ZC3H6: variants seen among roughly 807,000 people sequenced by gnomAD.
ZC3H6 encodes the protein zinc finger CCCH domain-containing protein 6.
Under a neutral mutation model 107.7 loss-of-function variants are expected in ZC3H6, and 40 were observed. The observed-to-expected ratio is 0.37, with a 90% CI of 0.29 to 0.48. ZC3H6 has a LOEUF of 0.48. Among genes scored for constraint, ZC3H6 ranks in the 20% least tolerant of loss-of-function variants. ZC3H6 has a pLI of 0.98. For missense variants in ZC3H6, 1,267 were observed against 1,410.4 expected (o/e 0.90, Z 1.63); for synonymous variants, 493 against 487.9 (o/e 1.01, Z -0.14).
chr2:112,330,948 TTATTA>T lies in ZC3H6; in HGVS notation c.2087-49_2087-45del, dbSNP rs752669270. On this transcript the variant is annotated intron_variant, in intron 11 of 11. Transcript: ENST00000409871. ...AATTTATAATTATAATATAATAATT[TTATTA>T]TATTATAAGTTTATAATATAAAGTT... is the stretch of plus-strand genomic sequence containing the variant. 7.6e-3 allele frequency: 4,071 copies of T among 533,136 alleles called. 97 individuals are homozygous for T. The highest frequency in any genetic ancestry group is 0.067 in the African/African-American group (3,355 of 50,088). 33.0% of individuals were successfully genotyped at this position (533,136 alleles called of 1,614,324 possible). A position where few individuals can be genotyped will look rare whatever the true frequency, so the allele number is the denominator to read the frequency against.
chr2:112,291,334 A>G (rs1676110258), intron 1 of ZC3H6, among the ~76,000 whole-genome samples: 1 of 152,216 alleles, frequency 6.6e-6, no homozygotes, highest in South Asian at 2.1e-4. Context: ...CCTGGGCTCA[A>G]GCAATTCTCC....
chr2:112,330,730 CA>C (rs1677011352), intron 11 of ZC3H6, among the ~76,000 whole-genome samples: 1 of 152,176 alleles, frequency 6.6e-6, no homozygotes, highest in Non-Finnish European at 1.5e-5. Context: ...ATTCTAGTAT[CA>C]CCCCACTTCC....
chr2:112,322,615 C>A (rs1210416628), intron 8 of ZC3H6, 34 bp from the exon 9 acceptor site: 4 of 1,562,102 alleles, frequency 2.6e-6, no homozygotes, highest in South Asian at 2.4e-5. Flanking sequence ...AAAAGACTCG[C>A]TTTGAAATAG....
In ZC3H6 at chr2:112,332,150, G is replaced by C. The variant is rs776625143; in HGVS notation, c.3232G>C (p.Gly1078Arg). The change falls in exon 12 of 12, where the codon GGT becomes CGT. Residue 1078 changes from glycine (G) to arginine (R), a missense_variant. Physicochemically the swap from Gly to Arg is moderately radical, Grantham distance 125. Coordinates refer to ENST00000409871, the MANE Select transcript of ZC3H6 (RefSeq NM_198581.3). ...AAACTCAAAGAACCAGAAAAAAAGT[G>C]GTGGCTTAAAAAGTAGTGACAAAAC... The part of the protein sequence containing the change: ...GENSKNQKKS[G>R]GLKSSDKTEP... 2.5e-6 allele frequency: 4 copies of C among 1,613,858 alleles called. No individual in the cohort carries two copies. The highest frequency in any genetic ancestry group is 2.5e-6 in the Non-Finnish European group (3 of 1,179,824).
intron 1 of ZC3H6, among the ~76,000 whole-genome samples, chr2:112,296,448 A>G (rs1230364017): frequency 6.6e-6 from 1 of 152,104 alleles, no homozygotes; most frequent in African/African-American, 2.4e-5. Context: ...GAGATTTGTT[A>G]TTTATAATTT....
intron 1 of ZC3H6, among the ~76,000 whole-genome samples, chr2:112,277,051 C>T (rs1444066807): frequency 6.6e-6 from 1 of 152,110 alleles, no homozygotes; most frequent in Non-Finnish European, 1.5e-5. Flanking sequence ...ATCCTAAACA[C>T]GTTTTTTAAA....
rs1415466348 is a variant in ZC3H6, at chr2:112,331,502, A to G, written c.2584A>G (p.Ile862Val). Residue 862 changes from isoleucine (I) to valine (V), a missense_variant, in exon 12 of 12, where the codon ATT becomes GTT. Physicochemically the swap from Ile to Val is conservative, Grantham distance 29. Transcript: ENST00000409871. ...GTCACAATTGAGACAGTTCAGTCAC[A>G]TTAAAATGGACATTACTCTAACCAA... ...PRSQLRQFSHIKMDITLTKPN... is the reference protein window; with the variant it reads ...PRSQLRQFSHVKMDITLTKPN... 3.7e-6 allele frequency: 6 copies of G among 1,614,034 alleles called. No individual in the cohort carries two copies. The highest frequency in any genetic ancestry group is 5.1e-6 in the Non-Finnish European group (6 of 1,179,890).
chr2:112,286,367 G>A (rs565238177), intron 1 of ZC3H6: 6 of 203,510 alleles, frequency 2.9e-5, no homozygotes, highest in East Asian at 3.1e-4. Context: ...TGTCCTGTTC[G>A]GCTGGGTTGA....
Position 112,325,076 on chromosome 2 carries a change from G to A in ZC3H6, c.1965G>A (p.Leu655=), listed in dbSNP as rs1400842992. ...GCACTAGGACAGGCCATGGCCCTCT[G>A]CCTGTACCAGGCCTCCTCCCTGCAG... ...GSSTRTGHGP[L]PVPGLLPAVQ... is the part of the protein sequence containing the mutation. The change falls in exon 11 of 12, where the codon CTG becomes CTA. Residue 655 remains leucine, a synonymous_variant. Coordinates refer to ENST00000409871, the MANE Select transcript of ZC3H6 (RefSeq NM_198581.3). The A allele has an allele frequency of 6.2e-7, 1 of 1,613,964 alleles. No homozygotes were observed. Among genetic ancestry groups the A allele is most frequent in the East Asian group, 2.2e-5 (1 of 44,876 alleles).
chr2:112,296,915 G>A (rs1199477714), intron 1 of ZC3H6, among the ~76,000 whole-genome samples: 1 of 152,138 alleles, frequency 6.6e-6, no homozygotes, highest in Non-Finnish European at 1.5e-5. Context: ...TTAGAATGAA[G>A]CATCTCACCT....
In ZC3H6 at chr2:112,303,245, G is replaced by A; in HGVS notation, c.230G>A (p.Ser77Asn). Residue 77 changes from serine (S) to asparagine (N), a missense_variant, in exon 3 of 12, where the codon AGT becomes AAT. Physicochemically the swap from Ser to Asn is conservative, Grantham distance 46 (BLOSUM62 1). Transcript: ENST00000409871. ...TCCCTTCAGCATAATTCCCCATCTA[G>A]TGATGATAGTTCGGACTACAGCCTT... Reference protein sequence around the residue: ...REKHKHNSPSSDDSSDYSLDS... With the variant: ...REKHKHNSPSNDDSSDYSLDS... 1 of 1,611,070 alleles carries A rather than the reference G, an allele frequency of 6.2e-7. No homozygotes were observed. The highest frequency in any genetic ancestry group is 8.5e-7 in the Non-Finnish European group (1 of 1,178,556).
rs1037245348 is a variant in ZC3H6 at position 112,333,601 on chromosome 2, T to C, written c.*1113T>C. On this transcript the variant is annotated 3_prime_UTR_variant, in exon 12 of 12. Transcript: ENST00000409871. Reference sequence around the variant, plus strand: ...TAAATTGATTAGAAATTGTATTTTATGAAAAATAACTTGTATTCATTCTTG... The same window carrying C: ...TAAATTGATTAGAAATTGTATTTTACGAAAAATAACTTGTATTCATTCTTG... 1.3e-5 allele frequency: 2 copies of C among 152,164 alleles called. No homozygotes were observed. Among genetic ancestry groups the C allele is most frequent in the African/African-American group, 4.8e-5 (2 of 41,460 alleles). 9.4% of individuals were successfully genotyped at this position (152,164 alleles called of 1,614,324 possible).
In ZC3H6 at chr2:112,322,885, G is replaced by A. The variant is rs572742243; in HGVS notation, c.1323G>A (p.Ala441=). 100 of 1,581,214 alleles carry A rather than the reference G, an allele frequency of 6.3e-5. 2 individuals are homozygous for A. Among genetic ancestry groups the A allele is most frequent in the African/African-American group, 1.2e-4 (9 of 73,042 alleles). ...TTGTAAAACCTACTGTGGATTTAGCGCATAAAATTGGGAGGAAGTAAGTGA... is the reference window on the plus strand; with the variant it reads ...TTGTAAAACCTACTGTGGATTTAGCACATAAAATTGGGAGGAAGTAAGTGA... ...EIVVKPTVDL[A]HKIGRKPPAF... The change falls in exon 9 of 12, where the codon GCG becomes GCA. Residue 441 remains alanine, a synonymous_variant. Transcript: ENST00000409871.
At chr2:112,283,475 A>C (rs1193122988) in intron 1 of ZC3H6, among the ~76,000 whole-genome samples, 1 of 152,210 alleles carries the variant, frequency 6.6e-6, no homozygotes, top group African/African-American at 2.4e-5. Flanking sequence ...AAAAGTAAAC[A>C]TAAAACTACA....
Position 112,337,393 on chromosome 2 carries a change from G to T in ZC3H6, c.*4905G>T, listed in dbSNP as rs377196188. ...GCTGGAGTGTAATGGTGCAATCTCG[G>T]ATCACTGCAACCTCTGCCTCCCAGG... On this transcript the variant is annotated 3_prime_UTR_variant, in exon 12 of 12. Transcript: ENST00000409871. 1 of 151,806 alleles carries T rather than the reference G, an allele frequency of 6.6e-6. No individual in the cohort carries two copies. The highest frequency in any genetic ancestry group is 1.9e-4 in the East Asian group (1 of 5,184). 9.4% of individuals were successfully genotyped at this position (151,806 alleles called of 1,614,324 possible). A position where few individuals can be genotyped will look rare whatever the true frequency, so the allele number is the denominator to read the frequency against.
Position 112,336,987 on chromosome 2 carries a change from A to C in ZC3H6, c.*4499A>C, listed in dbSNP as rs1677145544. On this transcript the variant is annotated 3_prime_UTR_variant, in exon 12 of 12. Coordinates refer to ENST00000409871, the MANE Select transcript of ZC3H6 (RefSeq NM_198581.3). The stretch of plus-strand genomic sequence containing the variant: ...TGACATCCATCCAAATGTCACTTTT[A>C]CAGATGCTGTCACCCGTTAAACAGG... 6.6e-6 allele frequency: 1 copy of C among 152,126 alleles called. No individual in the cohort carries two copies. The highest frequency in any genetic ancestry group is 1.5e-5 in the Non-Finnish European group (1 of 68,030). 9.4% of individuals were successfully genotyped at this position (152,126 alleles called of 1,614,324 possible).
intron 7 of ZC3H6, 41 bp downstream of exon 7, chr2:112,317,373 G>A: frequency 8.8e-7 from 1 of 1,130,628 alleles, no homozygotes; most frequent in South Asian, 1.6e-5. Flanking sequence ...AAATGCTGGG[G>A]TTTTAAAGCA....
chr2:112,277,740 A>G (rs762071467), intron 1 of ZC3H6, among the ~76,000 whole-genome samples: 6 of 152,124 alleles, frequency 3.9e-5, no homozygotes, highest in African/African-American at 7.2e-5. Context: ...TAACTTAGCC[A>G]ATTGTTAAGT....
chr2:112,295,331 TA>T (rs1312288842), intron 1 of ZC3H6, among the ~76,000 whole-genome samples: 2 of 152,178 alleles, frequency 1.3e-5, no homozygotes, highest in African/African-American at 4.8e-5. Context: ...TTACATTTTT[TA>T]AAGTCTTGTG....
Sources: gnomAD v4.1 joint callset for allele counts (sites outside exome capture counted in the v4.1 genomes callset) on GRCh38, gnomAD v4.1.1 for gene constraint, MANE v1.5 for transcripts, NCBI Gene and HGNC (gene_info 2026-07-23, HGNC 2026-07-21) for gene names.